PTPRD: variants seen among roughly 807,000 people sequenced by gnomAD.
PTPRD encodes the protein receptor-type tyrosine-protein phosphatase delta.
PTPRD carries 34 observed loss-of-function variants against 214.5 expected under a neutral mutation model. The observed-to-expected ratio is 0.16, with a 90% CI of 0.12 to 0.21. The LOEUF (loss-of-function observed/expected upper bound fraction) is 0.21. Ranked by LOEUF, PTPRD falls within the 10% of genes least tolerant of loss-of-function variation. The pLI, the probability that PTPRD is intolerant of heterozygous loss-of-function variation, is 1.00. For missense variants in PTPRD, 2,545 were observed against 2,398.7 expected (o/e 1.06, Z -1.27); for synonymous variants, 1,128 against 845.7 (o/e 1.33, Z -5.79).
intron 11 of PTPRD, among the ~76,000 whole-genome samples, chr9:8,989,707 A>G (rs933064373): frequency 4.6e-5 from 7 of 152,166 alleles, no homozygotes; most frequent in African/African-American, 1.7e-4. Flanking sequence ...TATTTAAGAT[A>G]TAGAAAGTTC....
intron 7 of PTPRD, among the ~76,000 whole-genome samples, chr9:9,628,384 G>A (rs12338128): frequency 1.3e-5 from 2 of 151,838 alleles, no homozygotes; most frequent in Non-Finnish European, 2.9e-5. Context: ...TCCCTTTTTT[G>A]TTCCCCCTTT....
chr9:9,550,634 G>C (rs1205128487), intron 8 of PTPRD, among the ~76,000 whole-genome samples: 13 of 150,894 alleles, frequency 8.6e-5, no homozygotes, highest in Admixed American at 8.6e-4. Flanking sequence ...ATAAAAACAA[G>C]AACTTTTGCT....
intron 12 of PTPRD, among the ~76,000 whole-genome samples, chr9:8,646,417 T>C (rs1595988067): frequency 6.6e-6 from 1 of 152,208 alleles, no homozygotes; most frequent in South Asian, 2.1e-4. Context: ...GAAATACTGT[T>C]TGGCCTTTAA....
intron 4 of PTPRD, among the ~76,000 whole-genome samples, chr9:10,007,913 G>A (rs747350837): frequency 2.6e-5 from 4 of 151,816 alleles, no homozygotes; most frequent in African/African-American, 7.3e-5. Flanking sequence ...CCATGTTAAA[G>A]AAAAGTATAT....
At chr9:8,507,663 C>A (rs2097569358) in intron 21 of PTPRD, among the ~76,000 whole-genome samples, 2 of 152,094 alleles carry the variant, frequency 1.3e-5, no homozygotes, top group South Asian at 4.1e-4. Context: ...TATAGTAGAA[C>A]TAATAAGTAT....
At chr9:8,940,464 GGTA>G (rs2099026424) in intron 11 of PTPRD, among the ~76,000 whole-genome samples, 1 of 104,362 alleles carries the variant, frequency 9.6e-6, no homozygotes, top group African/African-American at 3.6e-5. Context: ...TTTTTTTTTT[GGTA>G]TTTTTAATAG....
chr9:9,213,648 C>G (rs1025244758), intron 9 of PTPRD, among the ~76,000 whole-genome samples: 3 of 152,112 alleles, frequency 2.0e-5, no homozygotes, highest in South Asian at 4.1e-4. Flanking sequence ...AATATACAGA[C>G]ACATTATGCA....
intron 11 of PTPRD, among the ~76,000 whole-genome samples, chr9:8,997,723 A>T (rs972398549): frequency 3.3e-5 from 5 of 152,130 alleles, no homozygotes; most frequent in Non-Finnish European, 7.4e-5. Flanking sequence ...AGGCTTGATG[A>T]GGAAGGAATG....
At chr9:8,470,713 T>C (rs555667680) in intron 31 of PTPRD, among the ~76,000 whole-genome samples, 10 of 152,224 alleles carry the variant, frequency 6.6e-5, no homozygotes, top group African/African-American at 2.4e-4. Context: ...CTTCCACACC[T>C]CTACATCATG....
At chr9:8,870,166 C>G (rs1214510977) in intron 11 of PTPRD, among the ~76,000 whole-genome samples, 1 of 150,740 alleles carries the variant, frequency 6.6e-6, no homozygotes, top group Non-Finnish European at 1.5e-5. Flanking sequence ...AAGACACAGT[C>G]TTAGGTAGCT....
intron 10 of PTPRD, among the ~76,000 whole-genome samples, chr9:9,164,178 G>C (rs1248445193): frequency 2.0e-5 from 3 of 152,080 alleles, no homozygotes; most frequent in African/African-American, 2.4e-5. Context: ...TAGGCTAGCA[G>C]TGCCATTTTC....
At chr9:8,680,023 G>T (rs2097521206) in intron 12 of PTPRD, among the ~76,000 whole-genome samples, 1 of 152,134 alleles carries the variant, frequency 6.6e-6, no homozygotes, top group Admixed American at 6.5e-5. Flanking sequence ...GTAACAAGGA[G>T]ATTAAATGTA....
intron 10 of PTPRD, among the ~76,000 whole-genome samples, chr9:9,062,451 A>C (rs2099709225): frequency 6.6e-6 from 1 of 152,142 alleles, no homozygotes; most frequent in Non-Finnish European, 1.5e-5. Context: ...ATTCCTTTTC[A>C]GTCATCACAA....
rs558775024 is a variant in PTPRD at position 9,753,707 on chromosome 9, A to G, written c.-326+13103T>C. Among the ~76,000 whole-genome samples, 296 of 152,132 alleles carry G rather than the reference A, an allele frequency of 1.9e-3. 2 individuals carry two copies. The highest frequency in any genetic ancestry group is 3.1e-3 in the Non-Finnish European group (213 of 67,944). On this transcript the variant is annotated intron_variant, in intron 6 of 45. Coordinates refer to ENST00000381196, the MANE Select transcript of PTPRD (RefSeq NM_002839.4). Reference sequence around the variant, plus strand: ...TCAAAGCCTCAAAAAGGAAGGTCCAATGTGTCGCAGATGCTCTCTGAAAAT... The same window carrying G: ...TCAAAGCCTCAAAAAGGAAGGTCCAGTGTGTCGCAGATGCTCTCTGAAAAT...
intron 44 of PTPRD, among the ~76,000 whole-genome samples, chr9:8,325,710 C>G (rs1832967649): frequency 2.0e-5 from 3 of 152,068 alleles, no homozygotes; most frequent in African/African-American, 7.2e-5. Context: ...TTCTTCCTAT[C>G]CGTGAGCATG....
chr9:8,870,879 C>T (rs1485864851), intron 11 of PTPRD, among the ~76,000 whole-genome samples: 2 of 152,058 alleles, frequency 1.3e-5, no homozygotes, highest in African/African-American at 2.4e-5. Flanking sequence ...CGCTTCAAAG[C>T]GAACGGGATA....
At chr9:10,052,625 T>C (rs939915288) in intron 3 of PTPRD, among the ~76,000 whole-genome samples, 12 of 152,178 alleles carry the variant, frequency 7.9e-5, no homozygotes, top group African/African-American at 2.9e-4. Context: ...TATTTATATT[T>C]TTTTACAGGT....
At chr9:9,475,456 C>G (rs1281446612) in intron 8 of PTPRD, among the ~76,000 whole-genome samples, 2 of 152,242 alleles carry the variant, frequency 1.3e-5, no homozygotes, top group Non-Finnish European at 2.9e-5. Context: ...AGAAATCGAA[C>G]CTAAAAAAGA....
At chr9:8,826,104 T>C (rs2097169686) in intron 11 of PTPRD, among the ~76,000 whole-genome samples, 1 of 152,078 alleles carries the variant, frequency 6.6e-6, no homozygotes, top group Non-Finnish European at 1.5e-5. Flanking sequence ...AATTCACAGA[T>C]AAAGGCCTGT....
Sources: gnomAD v4.1 joint callset for allele counts (sites outside exome capture counted in the v4.1 genomes callset) on GRCh38, gnomAD v4.1.1 for gene constraint, MANE v1.5 for transcripts, NCBI Gene and HGNC (gene_info 2026-07-23, HGNC 2026-07-21) for gene names.